CD207: variants seen among roughly 807,000 people sequenced by gnomAD.
The protein encoded by CD207 is CD207 molecule.
CD207 carries 28 observed loss-of-function variants against 31.6 expected under a neutral mutation model. The observed-to-expected ratio is 0.89, with a 90% CI of 0.66 to 1.21. CD207 has a LOEUF of 1.21. CD207 is among the 50% of genes most tolerant of loss of function. The pLI, the probability that CD207 is intolerant of heterozygous loss-of-function variation, is 0.00. For missense variants in CD207, 388 were observed against 397.8 expected (o/e 0.98, Z 0.21); for synonymous variants, 168 against 153.9 (o/e 1.09, Z -0.68).
At chr2:70,826,884 C>T (rs576602323), downstream of CD207, among the ~76,000 whole-genome samples, 6 of 152,306 alleles carry the variant, frequency 3.9e-5, no homozygotes, top group South Asian at 1.2e-3. Context: ...TGTAACAAAT[C>T]ATTTGTCACG....
intron 4 of CD207, 132 bp from the exon 5 acceptor site, chr2:70,831,951 T>C: frequency 1.5e-6 from 1 of 655,606 alleles, no homozygotes; most frequent in Non-Finnish European, 2.8e-6. Flanking sequence ...CCTCTCAAGC[T>C]TCTTCCTGCC....
downstream of CD207, among the ~76,000 whole-genome samples, chr2:70,826,174 T>G (rs1677338380): frequency 6.6e-6 from 1 of 151,714 alleles, no homozygotes; most frequent in South Asian, 2.1e-4. Context: ...AAAAAAGACA[T>G]AAGTAGTAAT....
chr2:70,833,161 C>A lies in CD207; in HGVS notation c.566-110G>T, dbSNP rs1034360487. On this transcript the variant is annotated intron_variant, in intron 3 of 5. Transcript: ENST00000410009. Reference sequence around the variant, plus strand: ...AGAGACAGCAGCAAATGGAGCTGTGCGCTGGTGTCCTTGGGTCCTTGTATA... The same window carrying A: ...AGAGACAGCAGCAAATGGAGCTGTGAGCTGGTGTCCTTGGGTCCTTGTATA... 3.0e-6 allele frequency: 3 copies of A among 989,230 alleles called. No individual in the cohort carries two copies. In the African/African-American group the frequency reaches 4.8e-5, roughly 16 times the overall value. The allele number at this position is 989,230 out of a possible 1,614,324, so 61.3% of individuals were successfully genotyped here. A position where few individuals can be genotyped will look rare whatever the true frequency, so the allele number is the denominator to read the frequency against.
intron 3 of CD207, 128 bp downstream of exon 3, chr2:70,833,518 G>T (rs2104702675): frequency 3.7e-6 from 4 of 1,084,728 alleles, no homozygotes; most frequent in East Asian, 2.6e-5. Context: ...TAACTTCCTA[G>T]CCCATGGCTG....
chr2:70,835,784 G>A lies in CD207; in HGVS notation c.-8C>T. The A allele has an allele frequency of 6.2e-7, 1 of 1,607,228 alleles. No homozygotes were observed. The highest frequency in any genetic ancestry group is 8.5e-7 in the Non-Finnish European group (1 of 1,176,548). On this transcript the variant is annotated 5_prime_UTR_variant, in exon 1 of 6. Transcript: ENST00000410009. The stretch of plus-strand genomic sequence containing the variant: ...CTCCTTCTCCACAGTCATCCTGAGT[G>A]CTCACCCTTATCCTGGGAGCACAGG...
chr2:70,833,081 G>A (rs868937957), intron 3 of CD207, 30 bp from the exon 4 acceptor site: 2 of 1,612,408 alleles, frequency 1.2e-6, no homozygotes, highest in African/African-American at 1.3e-5. Context: ...AGTGAACGCT[G>A]GTATTCTTGA....
At chr2:70,828,661 T>C (rs1410442258), downstream of CD207, among the ~76,000 whole-genome samples, 1 of 152,092 alleles carries the variant, frequency 6.6e-6, no homozygotes, top group South Asian at 2.1e-4. Flanking sequence ...ACTATAATCC[T>C]CTGCAGTCAC....
At chr2:70,831,864 CTTGAT>C (rs1553399884) in intron 4 of CD207, 45 bp from the exon 5 acceptor site, 6 of 1,232,970 alleles carry the variant, frequency 4.9e-6, no homozygotes, top group Non-Finnish European at 7.2e-6. Context: ...ACACTTGGAG[CTTGAT>C]CATCTGTCTC....
At position 70,830,462 on chromosome 2, in the gene CD207, G is replaced by A. The variant is rs1677438717; in HGVS notation, c.*588C>T. The stretch of plus-strand genomic sequence containing the variant: ...CAGCCGAGCTCTGAAGGAGATACAA[G>A]TCCGTGTCAGCCACTGACTTGAACC... On this transcript the variant is annotated 3_prime_UTR_variant, in exon 6 of 6. Transcript: ENST00000410009. 1 of 152,516 alleles carries A rather than the reference G, an allele frequency of 6.6e-6. No homozygotes were observed. Among genetic ancestry groups the A allele is most frequent in the South Asian group, 2.1e-4 (1 of 4,834 alleles). The allele number at this position is 152,516 out of a possible 1,614,324, so 9.4% of individuals were successfully genotyped here. A position where few individuals can be genotyped will look rare whatever the true frequency, so the allele number is the denominator to read the frequency against.
chr2:70,832,682 C>T (rs1210763738), intron 4 of CD207, among the ~76,000 whole-genome samples: 2 of 152,168 alleles, frequency 1.3e-5, no homozygotes, highest in Non-Finnish European at 1.5e-5. Context: ...ATTGTGGAGA[C>T]ATATTAAGAT....
In CD207 at chr2:70,830,868, G is replaced by T; in HGVS notation, c.*182C>A. The stretch of plus-strand genomic sequence containing the variant: ...CTGAATTCTCCTTTCCATTCCAGCT[G>T]CCTCCAAGACGTCAGAGAATTTCCA... On this transcript the variant is annotated 3_prime_UTR_variant, in exon 6 of 6. Transcript: ENST00000410009. The T allele has an allele frequency of 1.8e-6, 1 of 557,590 alleles. No individual in the cohort carries two copies. The highest frequency in any genetic ancestry group is 3.1e-6 in the Non-Finnish European group (1 of 318,672). The allele number at this position is 557,590 out of a possible 1,614,324, so 34.5% of individuals were successfully genotyped here. A position where few individuals can be genotyped will look rare whatever the true frequency, so the allele number is the denominator to read the frequency against.
chr2:70,834,559 A>AACTCC (rs1677558949), intron 2 of CD207, among the ~76,000 whole-genome samples: 1 of 152,154 alleles, frequency 6.6e-6, no homozygotes, highest in East Asian at 1.9e-4. Flanking sequence ...GAGAACATGG[A>AACTCC]AGAGGAGATT....
chr2:70,829,722 T>C (rs1379640188), downstream of CD207, among the ~76,000 whole-genome samples: 1 of 152,200 alleles, frequency 6.6e-6, no homozygotes, highest in Non-Finnish European at 1.5e-5. Flanking sequence ...GTGACCCATT[T>C]GCACCCAGAA....
chr2:70,833,896 A>T lies in CD207; in HGVS notation c.315T>A (p.Ala105=), dbSNP rs1284777118. ...CATTCACCATCTGGATCTGAACGCC[A>T]GCTGCCTCCATGCCGTCACTATTCT... ...IKKNSDGMEA[A]GVQIQMVNES... Residue 105 remains alanine (A), a synonymous_variant, in exon 3 of 6, where the codon GCT becomes GCA. Coordinates refer to ENST00000410009, the MANE Select transcript of CD207 (RefSeq NM_015717.5). The T allele has an allele frequency of 6.2e-7, 1 of 1,607,124 alleles. No homozygotes were observed. The highest frequency in any genetic ancestry group is 1.3e-5 in the African/African-American group (1 of 74,644).
At chr2:70,833,166 G>C in intron 3 of CD207, 115 bp from the exon 4 acceptor site, 1 of 913,040 alleles carries the variant, frequency 1.1e-6, no homozygotes, top group East Asian at 2.5e-5. Context: ...CTGTGCGCTG[G>C]TGTCCTTGGG....
intron 2 of CD207, among the ~76,000 whole-genome samples, 171 bp downstream of exon 2, chr2:70,835,320 C>A (rs942302072): frequency 6.6e-6 from 1 of 152,020 alleles, no homozygotes; most frequent in Non-Finnish European, 1.5e-5. Flanking sequence ...ATCAGCTCAC[C>A]GTACTGGGGG....
At chr2:70,834,104 G>A in intron 2 of CD207, 84 bp from the exon 3 acceptor site, 1 of 1,280,104 alleles carries the variant, frequency 7.8e-7, no homozygotes, top group Non-Finnish European at 1.0e-6. Context: ...CAAAGGAAGG[G>A]AAGGAATAGG....
chr2:70,831,714 C>T lies in CD207; in HGVS notation c.823G>A (p.Val275Ile). The stretch of plus-strand genomic sequence containing the variant: ...CCAGGGGCTTACCTCACACTTTGGA[C>T]CTTGTTGAATGGCGTGTCATCCACC... Reference protein sequence around the residue: ...SWVDDTPFNKVQSVRFWIPGE... With the variant: ...SWVDDTPFNKIQSVRFWIPGE... Residue 275 changes from valine (V) to isoleucine (I), a missense_variant, in exon 5 of 6, where the codon GTC (valine) becomes ATC (isoleucine). Coordinates refer to ENST00000410009, the MANE Select transcript of CD207 (RefSeq NM_015717.5). The T allele has an allele frequency of 3.1e-6, 5 of 1,610,932 alleles. No homozygotes were observed. Among genetic ancestry groups the T allele is most frequent in the Non-Finnish European group, 4.2e-6 (5 of 1,177,118 alleles).
chr2:70,827,044 A>T (rs1014712111), downstream of CD207, among the ~76,000 whole-genome samples: 1 of 151,848 alleles, frequency 6.6e-6, no homozygotes, highest in South Asian at 2.1e-4. Context: ...ACCTCACACC[A>T]CACTCCAGCT....
Sources: gnomAD v4.1 joint callset for allele counts (sites outside exome capture counted in the v4.1 genomes callset) on GRCh38, gnomAD v4.1.1 for gene constraint, MANE v1.5 for transcripts, NCBI Gene and HGNC (gene_info 2026-07-23, HGNC 2026-07-21) for gene names.